USP24: variants seen among roughly 807,000 people sequenced by gnomAD.
USP24 encodes the protein ubiquitin carboxyl-terminal hydrolase 24.
Under a neutral mutation model 361.6 loss-of-function variants are expected in USP24, and 97 were observed. That is an observed-to-expected ratio of 0.27 (90% CI 0.23 to 0.32). The LOEUF is 0.32. USP24 is among the 10% of genes least tolerant of loss of function. The pLI is 1.00. For missense variants in USP24, 2,353 were observed against 3,165.6 expected, an observed-to-expected ratio of 0.74 and a Z score of 6.16; for synonymous variants, 1,098 against 1,124.6, an observed-to-expected ratio of 0.98 and a Z score of 0.47.
rs1400676294 is a variant in USP24 at position 55,075,647 on chromosome 1, ACAACAACAACAACAACAACACCACCAC to A, written c.7381-151_7381-125del. 1.1e-4 allele frequency: 53 copies of A among 498,440 alleles called. 2 individuals are homozygous for A. Among genetic ancestry groups the A allele is most frequent in the Non-Finnish European group, 1.5e-4 (46 of 303,552 alleles). The allele number at this position is 498,440 out of a possible 1,614,324, so 30.9% of individuals were successfully genotyped here. On this transcript the variant is annotated intron_variant, in intron 62 of 67. Transcript: ENST00000294383. ...TTTGACAACAACAACAACAACAACAACAACAACAACAACAACAACACCACCACCACCAATACAGGACGGGCATGGTGG... is the reference window on the plus strand; with the variant it reads ...TTTGACAACAACAACAACAACAACAACACCAATACAGGACGGGCATGGTGG...
chr1:55,168,333 T>A (rs1649094087), intron 5 of USP24, among the ~76,000 whole-genome samples: 1 of 152,086 alleles, frequency 6.6e-6, no homozygotes, highest in Admixed American at 6.6e-5. Context: ...TCTGTCTAAG[T>A]ATCCTAAATG....
chr1:55,086,168 C>A (rs999655180), intron 55 of USP24, 130 bp from the exon 56 acceptor site: 7 of 771,842 alleles, frequency 9.1e-6, no homozygotes, highest in East Asian at 5.3e-5. Flanking sequence ...CGCTTATGGG[C>A]CAAGTGGAGC....
chr1:55,184,041 T>C (rs754276801), intron 1 of USP24, among the ~76,000 whole-genome samples: 10 of 152,078 alleles, frequency 6.6e-5, no homozygotes, highest in Admixed American at 1.3e-4. Context: ...CAAGAAAGGC[T>C]GTTCTTTTTC....
At chr1:55,073,779 C>T (rs970342367) in intron 64 of USP24, 49 bp downstream of exon 64, 2 of 1,508,726 alleles carry the variant, frequency 1.3e-6, no homozygotes, top group East Asian at 2.5e-5. Context: ...TCATATGTGA[C>T]TTGTAATTAA....
At chr1:55,166,288 A>G (rs1167841957) in intron 6 of USP24, among the ~76,000 whole-genome samples, 2 of 151,996 alleles carry the variant, frequency 1.3e-5, no homozygotes, top group Non-Finnish European at 2.9e-5. Flanking sequence ...CTAAAATTCT[A>G]CTTTATCGTT....
intron 36 of USP24, among the ~76,000 whole-genome samples, chr1:55,122,018 C>T (rs1345401706): frequency 6.6e-6 from 1 of 152,146 alleles, no homozygotes. Flanking sequence ...ATCTACTACA[C>T]ATCAGACAGT....
At chr1:55,128,948 G>A (rs1347736181) in intron 32 of USP24, among the ~76,000 whole-genome samples, 1 of 151,702 alleles carries the variant, frequency 6.6e-6, no homozygotes, top group Admixed American at 6.6e-5. Context: ...TCAAACTCTT[G>A]GGCTCAAGCA....
In USP24 at chr1:55,214,931, G is replaced by A. The variant is rs1473210072; in HGVS notation, c.183C>T (p.Gly61=). The part of the protein sequence containing the change: ...GGYEPMDSGG[G]PSPGPGGGPR... ...GGCCCCCGCCGGGCCCGGGGCTGGGGCCACCGCCGCTGTCCATGGGCTCGT... is the reference window on the plus strand; with the variant it reads ...GGCCCCCGCCGGGCCCGGGGCTGGGACCACCGCCGCTGTCCATGGGCTCGT... The change falls in exon 1 of 68, where the codon GGC becomes GGT. Residue 61 remains glycine (G), a synonymous_variant. Transcript: ENST00000294383. 9.5e-6 allele frequency: 13 copies of A among 1,370,610 alleles called. No homozygotes were observed. The highest frequency in any genetic ancestry group is 1.5e-5 in the African/African-American group (1 of 66,480). 84.9% of individuals were successfully genotyped at this position (1,370,610 alleles called of 1,614,324 possible).
intron 1 of USP24, among the ~76,000 whole-genome samples, chr1:55,206,112 G>A (rs532387844): frequency 2.6e-5 from 4 of 152,178 alleles, no homozygotes; most frequent in South Asian, 4.2e-4. Flanking sequence ...ACCATGAGAC[G>A]TTTTATTTCA....
At chr1:55,168,161 T>C (rs1649074096) in intron 5 of USP24, among the ~76,000 whole-genome samples, 1 of 152,046 alleles carries the variant, frequency 6.6e-6, no homozygotes, top group Admixed American at 6.6e-5. Context: ...AAGCAAGAAA[T>C]ATCTCCAAGA....
At chr1:55,106,847 G>A (rs923546151) in intron 40 of USP24, among the ~76,000 whole-genome samples, 2 of 152,144 alleles carry the variant, frequency 1.3e-5, no homozygotes, top group African/African-American at 4.8e-5. Context: ...AATCTCATAT[G>A]TACCCCACCA....
chr1:55,162,710 A>G (rs895001758), intron 7 of USP24, among the ~76,000 whole-genome samples: 1 of 152,188 alleles, frequency 6.6e-6, no homozygotes, highest in Non-Finnish European at 1.5e-5. Context: ...GGAAAAGACC[A>G]TTATTGTAAA....
At chr1:55,091,011 G>T (rs918906759) in intron 54 of USP24, among the ~76,000 whole-genome samples, 2 of 152,120 alleles carry the variant, frequency 1.3e-5, no homozygotes. Flanking sequence ...TTGAACCCGG[G>T]ACACAGAGGT....
chr1:55,135,222 C>A lies in USP24; in HGVS notation c.3202-809G>T, dbSNP rs186835881. ...TTGGTCTTGAACTCCTGGCCTCCAACAATCCTCCTGCCTCAGCCTCCCAAA... is the reference window on the plus strand; with the variant it reads ...TTGGTCTTGAACTCCTGGCCTCCAAAAATCCTCCTGCCTCAGCCTCCCAAA... On this transcript the variant is annotated intron_variant, in intron 28 of 67. Coordinates refer to ENST00000294383, the MANE Select transcript of USP24 (RefSeq NM_015306.3). 4.9e-3 allele frequency among the ~76,000 whole-genome samples: 748 copies of A among 152,204 alleles called. 16 individuals carry two copies. The highest frequency in any genetic ancestry group is 0.043 in the Admixed American group (659 of 15,268).
chr1:55,069,520 G>C (rs1644876642), intron 67 of USP24, among the ~76,000 whole-genome samples: 1 of 152,156 alleles, frequency 6.6e-6, no homozygotes, highest in Non-Finnish European at 1.5e-5. Flanking sequence ...GTTACCATCT[G>C]TGTGGCCTTT....
At chr1:55,152,937 A>G (rs1190034044) in intron 16 of USP24, among the ~76,000 whole-genome samples, 1 of 152,220 alleles carries the variant, frequency 6.6e-6, no homozygotes, top group Non-Finnish European at 1.5e-5. Context: ...AGTATCCAAG[A>G]TCCTTTAAAG....
chr1:55,146,825 A>T (rs187716220), intron 19 of USP24, 104 bp downstream of exon 19: 3 of 1,392,564 alleles, frequency 2.2e-6, no homozygotes, highest in Admixed American at 4.7e-5. Context: ...CATACTATTT[A>T]TGCTTATATA....
At chr1:55,202,649 C>T (rs374194613) in intron 1 of USP24, among the ~76,000 whole-genome samples, 1 of 152,196 alleles carries the variant, frequency 6.6e-6, no homozygotes, top group African/African-American at 2.4e-5. Flanking sequence ...AGGTGATCCA[C>T]CTGCCTTGGC....
intron 24 of USP24, 103 bp downstream of exon 24, chr1:55,141,513 T>TA (rs2100688976): frequency 1.9e-6 from 2 of 1,040,350 alleles, no homozygotes; most frequent in Middle Eastern, 2.2e-4. Context: ...AATTATGATA[T>TA]AAAATGAGGA....
Sources: allele counts gnomAD v4.1 joint callset (sites outside exome capture counted in the v4.1 genomes callset), GRCh38; gene constraint gnomAD v4.1.1; transcripts MANE v1.5; gene names NCBI Gene and HGNC (gene_info 2026-07-23, HGNC 2026-07-21).